SKIC3: variants seen among roughly 807,000 people sequenced by gnomAD.
SKIC3 encodes the protein superkiller complex protein 3.
the SKIC3 span, chr5:95,548,651 A>G: frequency 6.6e-6 from 1 of 151,982 alleles, no homozygotes; most frequent in East Asian, 1.9e-4. Context: ...GTAGGTAACA[A>G]ATTTCAATGC....
the SKIC3 span, among the ~76,000 whole-genome samples, chr5:95,527,057 T>C: frequency 6.6e-6 from 1 of 152,228 alleles, no homozygotes; most frequent in Non-Finnish European, 1.5e-5. Context: ...GGATTTAAAA[T>C]ATTTGATCTG....
chr5:95,547,868 G>A, the SKIC3 span, among the ~76,000 whole-genome samples: 1 of 151,944 alleles, frequency 6.6e-6, no homozygotes, highest in South Asian at 2.1e-4. Flanking sequence ...CATAAATCAA[G>A]ATATTAACTT....
chr5:95,505,427 T>A, the SKIC3 span, among the ~76,000 whole-genome samples: 1 of 152,206 alleles, frequency 6.6e-6, no homozygotes, highest in Non-Finnish European at 1.5e-5. Context: ...AAACACTATC[T>A]TCTAAGATGT....
At chr5:95,468,061 C>A in the SKIC3 span, 1 of 1,570,926 alleles carries the variant, frequency 6.4e-7, no homozygotes. Context: ...ACTAATCTCA[C>A]ACACACATTA....
the SKIC3 span, among the ~76,000 whole-genome samples, chr5:95,483,624 T>C: frequency 6.6e-6 from 1 of 152,238 alleles, no homozygotes; most frequent in African/African-American, 2.4e-5. Flanking sequence ...AAATGTATAC[T>C]GATCTTTCCA....
At chr5:95,492,363 G>A in the SKIC3 span, among the ~76,000 whole-genome samples, 11 of 151,356 alleles carry the variant, frequency 7.3e-5, no homozygotes, top group East Asian at 1.9e-3. Context: ...CTGGCCGGGC[G>A]CGGTGGCTCA....
chr5:95,469,656 C>A, the SKIC3 span: 13 of 1,292,258 alleles, frequency 1.0e-5, no homozygotes, highest in Middle Eastern at 4.0e-4. Flanking sequence ...TATATAAATA[C>A]CCCCCAAAGT....
chr5:95,520,377 C>T, the SKIC3 span, among the ~76,000 whole-genome samples: 33 of 150,996 alleles, frequency 2.2e-4, no homozygotes, highest in East Asian at 3.7e-3. Flanking sequence ...ATTTCCCAAT[C>T]GGTTCCAATT....
At chr5:95,517,237 T>C in the SKIC3 span, 8 of 1,613,372 alleles carry the variant, frequency 5.0e-6, no homozygotes, top group Non-Finnish European at 6.8e-6. Flanking sequence ...ACATTCACTT[T>C]AGATGGTGCG....
the SKIC3 span, chr5:95,478,232 C>T: frequency 5.0e-5 from 79 of 1,591,950 alleles, 1 homozygote; most frequent in South Asian, 6.4e-4. Flanking sequence ...AAAGCCTTCA[C>T]GTCAAAGAAA....
At chr5:95,470,200 G>T in the SKIC3 span, among the ~76,000 whole-genome samples, 2 of 151,976 alleles carry the variant, frequency 1.3e-5, no homozygotes, top group African/African-American at 4.8e-5. Context: ...GGATGGTCTC[G>T]ATCTCCTGAC....
the SKIC3 span, chr5:95,512,371 C>CAAA: frequency 7.4e-7 from 1 of 1,360,350 alleles, no homozygotes; most frequent in Non-Finnish European, 1.0e-6. Context: ...AAATTCATGT[C>CAAA]TTAAAGAATA....
At chr5:95,502,896 T>A in the SKIC3 span, 11 of 1,613,890 alleles carry the variant, frequency 6.8e-6, no homozygotes, top group South Asian at 1.2e-4. Context: ...AATAGCAATG[T>A]CTTGGCTACA....
At chr5:95,500,284 G>C in the SKIC3 span, among the ~76,000 whole-genome samples, 1 of 152,100 alleles carries the variant, frequency 6.6e-6, no homozygotes, top group African/African-American at 2.4e-5. Flanking sequence ...AAGACTATTT[G>C]GTTTTCATCC....
At chr5:95,545,208 A>T in the SKIC3 span, among the ~76,000 whole-genome samples, 2 of 152,136 alleles carry the variant, frequency 1.3e-5, no homozygotes, top group Non-Finnish European at 2.9e-5. Flanking sequence ...GCTGAAGGAA[A>T]CAGTCCTTCT....
chr5:95,535,030 T>C, the SKIC3 span, among the ~76,000 whole-genome samples: 1 of 152,212 alleles, frequency 6.6e-6, no homozygotes, highest in African/African-American at 2.4e-5. Context: ...GAAATCACTT[T>C]CATTTTTTCA....
chr5:95,550,413 G>A, the SKIC3 span, among the ~76,000 whole-genome samples: 9 of 147,326 alleles, frequency 6.1e-5, no homozygotes, highest in South Asian at 1.7e-3. Context: ...GAAAAAAAAC[G>A]ATATCTTTAA....
chr5:95,531,859 C>T, the SKIC3 span, among the ~76,000 whole-genome samples: 1 of 152,088 alleles, frequency 6.6e-6, no homozygotes, highest in East Asian at 1.9e-4. Context: ...CTGGAGAGTA[C>T]AGACCAGCAT....
the SKIC3 span, chr5:95,506,838 G>C: frequency 8.3e-7 from 1 of 1,210,320 alleles, no homozygotes; most frequent in African/African-American, 1.5e-5. Flanking sequence ...ACATGTACCA[G>C]TATTCTAGGA....
Sources: gnomAD v4.1 joint callset for allele counts (sites outside exome capture counted in the v4.1 genomes callset) on GRCh38, gnomAD v4.1.1 for gene constraint, MANE v1.5 for transcripts, NCBI Gene and HGNC (gene_info 2026-07-23, HGNC 2026-07-21) for gene names.